The following ASTN2 variants were observed in gnomAD, a reference collection of about 807,000 sequenced individuals.
The protein encoded by ASTN2 is astrotactin-2.
In ASTN2, 54 loss-of-function variants were observed where a neutral mutation model predicts 139.8. The ratio of observed to expected loss-of-function variants is 0.39; its 90% CI spans 0.31 to 0.48. The LOEUF is 0.48. ASTN2 is among the 20% of genes least tolerant of loss of function. ASTN2 has a pLI of 0.95. For synonymous variants in ASTN2, 756 were observed against 719.5 expected, an observed-to-expected ratio of 1.05 and a Z score of -0.81; for missense variants, 1,565 against 1,725.1, an observed-to-expected ratio of 0.91 and a Z score of 1.64.
intron 17 of ASTN2, among the ~76,000 whole-genome samples, chr9:116,649,572 C>CAAAA (rs35946741): frequency 7.3e-6 from 1 of 137,592 alleles, no homozygotes; most frequent in Non-Finnish European, 1.6e-5. Flanking sequence ...AAAACTGTCT[C>CAAAA]AAAAAAAAAA....
chr9:116,646,929 G>C (rs1857619011), intron 17 of ASTN2, among the ~76,000 whole-genome samples: 1 of 152,126 alleles, frequency 6.6e-6, no homozygotes, highest in East Asian at 1.9e-4. Context: ...CCCAGTCTCA[G>C]CTCCAGCCAC....
chr9:117,219,220 C>T (rs1301060553), intron 2 of ASTN2, among the ~76,000 whole-genome samples: 1 of 152,094 alleles, frequency 6.6e-6, no homozygotes, highest in Non-Finnish European at 1.5e-5. Flanking sequence ...TGTCCTGGTC[C>T]ACACCCATAG....
intron 1 of ASTN2, among the ~76,000 whole-genome samples, chr9:117,319,946 T>C (rs571424997): frequency 6.6e-6 from 1 of 152,294 alleles, no homozygotes; most frequent in African/African-American, 2.4e-5. Context: ...GTCAACAACA[T>C]CAGAATTGAT....
chr9:117,254,361 C>A (rs1400102837), intron 2 of ASTN2, among the ~76,000 whole-genome samples: 1 of 152,138 alleles, frequency 6.6e-6, no homozygotes, highest in Non-Finnish European at 1.5e-5. Flanking sequence ...ATTATTGATA[C>A]ATTTTCTTAA....
intron 20 of ASTN2, among the ~76,000 whole-genome samples, chr9:116,478,907 G>A (rs545409754): frequency 2.1e-5 from 3 of 144,692 alleles, no homozygotes; most frequent in East Asian, 4.2e-4. Flanking sequence ...CAGAAGAACC[G>A]CTTGAACCCG....
chr9:116,751,380 G>A (rs1829398347), intron 13 of ASTN2, among the ~76,000 whole-genome samples: 2 of 152,162 alleles, frequency 1.3e-5, no homozygotes, highest in Admixed American at 1.3e-4. Context: ...ACTCTTGCAA[G>A]TTTGGACAAG....
chr9:117,064,161 CA>C (rs750748544), intron 5 of ASTN2, among the ~76,000 whole-genome samples: 100 of 151,788 alleles, frequency 6.6e-4, no homozygotes, highest in Non-Finnish European at 1.0e-3. Context: ...GTTTTACAAG[CA>C]GAAGATCATG....
chr9:116,763,745 C>T lies in ASTN2; in HGVS notation c.2397-30222G>A, dbSNP rs137888646. Reference sequence around the variant, plus strand: ...CCAGCTGTCAGGGTTACAGAGAGGACTGAATAGGATGATAGGTGGAGAATT... The same window carrying T: ...CCAGCTGTCAGGGTTACAGAGAGGATTGAATAGGATGATAGGTGGAGAATT... On this transcript the variant is annotated intron_variant, in intron 13 of 22. Coordinates refer to ENST00000313400, the MANE Select transcript of ASTN2 (RefSeq NM_001365068.1). Among the ~76,000 whole-genome samples, 7 of 152,292 alleles carry T rather than the reference C, an allele frequency of 4.6e-5. No homozygotes were observed. The East Asian group carries it at 1.2e-3, about 25-fold the overall frequency.
intron 16 of ASTN2, among the ~76,000 whole-genome samples, chr9:116,670,051 C>T (rs1408436177): frequency 2.0e-5 from 3 of 152,106 alleles, no homozygotes; most frequent in Non-Finnish European, 2.9e-5. Flanking sequence ...GTGATCCACC[C>T]GCCTTGGCCT....
intron 14 of ASTN2, among the ~76,000 whole-genome samples, chr9:116,730,406 C>T (rs184724081): frequency 6.6e-6 from 1 of 152,016 alleles, no homozygotes; most frequent in African/African-American, 2.4e-5. Flanking sequence ...TTTTTAGAGG[C>T]TTTCATTTTA....
intron 7 of ASTN2, among the ~76,000 whole-genome samples, chr9:116,993,609 C>T (rs1005502593): frequency 1.3e-5 from 2 of 148,652 alleles, no homozygotes. Flanking sequence ...ACATAAGTTA[C>T]TATATACAGT....
intron 6 of ASTN2, among the ~76,000 whole-genome samples, chr9:117,008,488 C>G (rs1837423624): frequency 6.6e-6 from 1 of 152,116 alleles, no homozygotes; most frequent in South Asian, 2.1e-4. Flanking sequence ...GCCCTTAGGA[C>G]TGAGAGGGAA....
chr9:116,556,094 C>T (rs1256391452), intron 19 of ASTN2, among the ~76,000 whole-genome samples: 1 of 152,200 alleles, frequency 6.6e-6, no homozygotes, highest in Non-Finnish European at 1.5e-5. Flanking sequence ...AGTTCAGACA[C>T]TGTCCCTGCC....
chr9:116,865,149 C>T (rs998975781), intron 10 of ASTN2, among the ~76,000 whole-genome samples: 2 of 151,914 alleles, frequency 1.3e-5, no homozygotes, highest in Admixed American at 6.6e-5. Flanking sequence ...GGTTTATTGC[C>T]AAGCCCTCTT....
chr9:116,645,911 CAAAGGAAACATAGAA>C (rs1450221652), intron 17 of ASTN2, among the ~76,000 whole-genome samples: 4 of 152,034 alleles, frequency 2.6e-5, no homozygotes, highest in Non-Finnish European at 4.4e-5. Context: ...GAGGAGTTAC[CAAAGGAAACATAGAA>C]AAAGAAAAGA....
chr9:117,092,601 C>T (rs1174194927), intron 5 of ASTN2, among the ~76,000 whole-genome samples: 1 of 152,144 alleles, frequency 6.6e-6, no homozygotes, highest in East Asian at 1.9e-4. Flanking sequence ...TTCAGATAGA[C>T]CTGAAATGGT....
At position 117,382,222 on chromosome 9, in the gene ASTN2, A is replaced by G. The variant is rs112684644; in HGVS notation, c.442+32275T>C. Among the ~76,000 whole-genome samples the G allele has an allele frequency of 5.8e-3, 884 of 152,152 alleles. 14 individuals carry two copies. Among genetic ancestry groups the G allele is most frequent in the African/African-American group, 0.02 (842 of 41,508 alleles). ...TCCAAGTGAGAAAAGCGAGGTCAAG[A>G]GTGGGTGATGGGGTTGGCATGTGTG... On this transcript the variant is annotated intron_variant, in intron 1 of 22. Transcript: ENST00000313400.
intron 6 of ASTN2, among the ~76,000 whole-genome samples, chr9:117,020,969 G>A (rs1837862498): frequency 6.6e-6 from 1 of 152,120 alleles, no homozygotes; most frequent in East Asian, 1.9e-4. Flanking sequence ...GTGCAGTGGA[G>A]CAATCATCTC....
In ASTN2 at chr9:117,394,391, T is replaced by A. The variant is rs185114858; in HGVS notation, c.442+20106A>T. Among the ~76,000 whole-genome samples, 19 of 152,328 alleles carry A rather than the reference T, an allele frequency of 1.2e-4. No homozygotes were observed. The Middle Eastern group carries it at 0.01, about 82-fold the overall frequency. On this transcript the variant is annotated intron_variant, in intron 1 of 22. Coordinates refer to ENST00000313400, the MANE Select transcript of ASTN2 (RefSeq NM_001365068.1). ...GTTCCCCAGTGATCCTAGGCACACT[T>A]CATATGCTCAATAGCCACATATGGC... is the stretch of plus-strand genomic sequence containing the variant.
Sources: allele counts gnomAD v4.1 joint callset (sites outside exome capture counted in the v4.1 genomes callset), GRCh38; gene constraint gnomAD v4.1.1; transcripts MANE v1.5; gene names NCBI Gene and HGNC (gene_info 2026-07-23, HGNC 2026-07-21).